CDH11: variants seen among roughly 807,000 people sequenced by gnomAD.
CDH11 encodes the protein cadherin 11.
CDH11 carries 11 observed loss-of-function variants against 67.8 expected under a neutral mutation model. The ratio of observed to expected loss-of-function variants is 0.16; its 90% CI spans 0.10 to 0.27. The LOEUF is 0.27. Ranked by LOEUF, CDH11 falls within the 10% of genes least tolerant of loss-of-function variation. The pLI is 1.00. For missense variants in CDH11, 847 were observed against 1,031.2 expected, an observed-to-expected ratio of 0.82 and a Z score of 2.45; for synonymous variants, 419 against 400.0, an observed-to-expected ratio of 1.05 and a Z score of -0.57.
At chr16:65,106,800 A>C (rs936368519) in intron 1 of CDH11, among the ~76,000 whole-genome samples, 3 of 152,148 alleles carry the variant, frequency 2.0e-5, no homozygotes, top group Admixed American at 2.0e-4. Flanking sequence ...TGGATCTGGG[A>C]AACACAACTT....
At chr16:64,973,206 T>C (rs567259757) in intron 8 of CDH11, among the ~76,000 whole-genome samples, 166 bp from the exon 9 acceptor site, 8 of 152,364 alleles carry the variant, frequency 5.3e-5, no homozygotes, top group Admixed American at 1.3e-4. Flanking sequence ...GATTCTTTTA[T>C]AGAAATAACT....
In CDH11 at chr16:64,982,420, C is replaced by A. The variant is rs1457795740; in HGVS notation, c.1000-119G>T. ...CTCAAAGAGAGAAAATCAGAGTCTA[C>A]TCAATTTCCAATTACCTGAGCCATT... On this transcript the variant is annotated intron_variant, in intron 7 of 12. Coordinates refer to ENST00000268603, the MANE Select transcript of CDH11 (RefSeq NM_001797.4). 6.3e-6 allele frequency: 5 copies of A among 789,232 alleles called. No homozygotes were observed. The Admixed American group carries it at 1.1e-4, about 17-fold the overall frequency. The allele number at this position is 789,232 out of a possible 1,614,324, so 48.9% of individuals were successfully genotyped here. A position where few individuals can be genotyped will look rare whatever the true frequency, so the allele number is the denominator to read the frequency against.
Position 64,946,322 on chromosome 16 carries a change from A to G in CDH11, c.*1281T>C. 1 of 1,043,714 alleles carries G rather than the reference A, an allele frequency of 9.6e-7. No homozygotes were observed. Among genetic ancestry groups the G allele is most frequent in the Non-Finnish European group, 1.2e-6 (1 of 865,794 alleles). 64.7% of individuals were successfully genotyped at this position (1,043,714 alleles called of 1,614,324 possible). Reference sequence around the variant, plus strand: ...AACATTAGAGTCTGGGCAAATTTATATTTTTGACTCTAGTCCCCCAGTTCC... The same window carrying G: ...AACATTAGAGTCTGGGCAAATTTATGTTTTTGACTCTAGTCCCCCAGTTCC... On this transcript the variant is annotated 3_prime_UTR_variant, in exon 13 of 13. Transcript: ENST00000268603.
At position 64,943,758 on chromosome 16, in the gene CDH11, T is replaced by G. The variant is rs905873240; in HGVS notation, c.*3845A>C. On this transcript the variant is annotated 3_prime_UTR_variant, in exon 13 of 13. Transcript: ENST00000268603. ...AAATCTGCCTCATCAGTATATTTGC[T>G]TTCATTCAATAGATATTTATTGTGT... 1.5e-5 allele frequency: 3 copies of G among 197,392 alleles called. No homozygotes were observed. The highest frequency in any genetic ancestry group is 2.3e-5 in the African/African-American group (1 of 43,260). 12.2% of individuals were successfully genotyped at this position (197,392 alleles called of 1,614,324 possible). A position where few individuals can be genotyped will look rare whatever the true frequency, so the allele number is the denominator to read the frequency against.
At chr16:64,950,125 A>G (rs567139895) in intron 12 of CDH11, among the ~76,000 whole-genome samples, 59 of 152,302 alleles carry the variant, frequency 3.9e-4, no homozygotes, top group Non-Finnish European at 7.3e-4. Context: ...TGTTCTGAGT[A>G]CCAGCACATG....
At chr16:64,991,296 G>C (rs2072623209) in intron 6 of CDH11, 1 of 155,792 alleles carries the variant, frequency 6.4e-6, no homozygotes, top group African/African-American at 2.4e-5. Flanking sequence ...GAGGCATGCT[G>C]TCTCCTCCAA....
At chr16:64,948,559 A>G in intron 12 of CDH11, 2 of 1,451,390 alleles carry the variant, frequency 1.4e-6, no homozygotes, top group Middle Eastern at 3.5e-4. Context: ...GCTTCTGCCA[A>G]TGTCTGAGAA....
chr16:65,015,450 A>AG lies in CDH11; in HGVS notation c.-172-10410_-172-10409insC, dbSNP rs1197018147. On this transcript the variant is annotated intron_variant, in intron 2 of 12. Transcript: ENST00000268603. ...TCAAAATAAAATAAAGAGTGAAAAA[A>AG]AAAACAAAACCCAGAACCTAAACTC... 2.6e-5 allele frequency among the ~76,000 whole-genome samples: 4 copies of AG among 152,100 alleles called. No individual in the cohort carries two copies. In the East Asian group the frequency reaches 7.7e-4, roughly 29 times the overall value.
chr16:64,950,661 T>G, intron 12 of CDH11, 106 bp downstream of exon 12: 1 of 1,336,608 alleles, frequency 7.5e-7, no homozygotes, highest in Non-Finnish European at 1.0e-6. Flanking sequence ...GTGTCGACAG[T>G]CATAACAGGG....
chr16:65,094,977 C>T (rs937551202), intron 1 of CDH11: 9 of 152,120 alleles, frequency 5.9e-5, no homozygotes. Flanking sequence ...GAAATTAAGA[C>T]ATACATATCT....
intron 2 of CDH11, among the ~76,000 whole-genome samples, chr16:65,048,075 T>C (rs2073994064): frequency 1.3e-5 from 2 of 152,222 alleles, no homozygotes; most frequent in African/African-American, 4.8e-5. Flanking sequence ...TTTATTATTG[T>C]ATCCCCAGCA....
chr16:64,985,033 T>C (rs1172854188), intron 7 of CDH11: 3 of 152,306 alleles, frequency 2.0e-5, no homozygotes, highest in Non-Finnish European at 2.9e-5. Flanking sequence ...TGTGCGGTGA[T>C]TTCTCTGAGA....
chr16:65,057,244 C>T (rs1189634155), intron 1 of CDH11, among the ~76,000 whole-genome samples: 1 of 152,134 alleles, frequency 6.6e-6, no homozygotes. Flanking sequence ...CATGTGTTCC[C>T]CTCTCAGCCA....
intron 1 of CDH11, among the ~76,000 whole-genome samples, chr16:65,120,200 A>C (rs889424967): frequency 1.9e-4 from 29 of 152,224 alleles, no homozygotes; most frequent in Non-Finnish European, 1.2e-4. Context: ...AAAGAAGGTC[A>C]GTCCCTTCTC....
At chr16:65,077,020 C>T (rs1050059028) in intron 1 of CDH11, among the ~76,000 whole-genome samples, 1 of 152,088 alleles carries the variant, frequency 6.6e-6, no homozygotes, top group African/African-American at 2.4e-5. Context: ...TTCCTAAAAC[C>T]CATTGAGGGC....
chr16:64,990,789 C>G (rs1018376968), intron 6 of CDH11, among the ~76,000 whole-genome samples: 1 of 152,114 alleles, frequency 6.6e-6, no homozygotes, highest in African/African-American at 2.4e-5. Flanking sequence ...TTTTGTAGAA[C>G]AGCCATAATC....
chr16:64,960,223 C>G (rs1412690243), intron 11 of CDH11, among the ~76,000 whole-genome samples: 1 of 152,144 alleles, frequency 6.6e-6, no homozygotes, highest in Non-Finnish European at 1.5e-5. Flanking sequence ...TTAGAATATT[C>G]TGGCATCAAA....
intron 11 of CDH11, among the ~76,000 whole-genome samples, chr16:64,955,307 T>C (rs1372390645): frequency 6.6e-6 from 1 of 152,098 alleles, no homozygotes; most frequent in African/African-American, 2.4e-5. Flanking sequence ...CTGGGTGTGG[T>C]GGCGCATGCC....
Position 64,991,768 on chromosome 16 carries a change from T to C in CDH11, c.811A>G (p.Ser271Gly), listed in dbSNP as rs2142492008. Residue 271 changes from serine to glycine, a missense_variant and splice_region_variant, in exon 6 of 13, where the codon AGC (serine) becomes GGC (glycine). Physicochemically the swap from Ser to Gly is moderately conservative, Grantham distance 56. This residue lies in a region of CDH11 where 612 missense variants were observed against 678.7 expected (regional missense o/e 0.90). Transcript: ENST00000268603. ...VNDNPPKFPQ[S>G]VYQMSVSEAA... is the part of the protein sequence containing the mutation. ...GTGAAAGCCAAGTCCACCTACTTAC[T>C]CTGCGGAAACTTTGGTGGGTTGTCA... 4 of 1,611,418 alleles carry C rather than the reference T, an allele frequency of 2.5e-6. No homozygotes were observed. The East Asian group carries it at 6.7e-5, about 27-fold the overall frequency.
Sources: allele counts gnomAD v4.1 joint callset (sites outside exome capture counted in the v4.1 genomes callset), GRCh38; gene constraint gnomAD v4.1.1; regional missense constraint gnomAD v4.1.1; transcripts MANE v1.5; gene names NCBI Gene and HGNC (gene_info 2026-07-23, HGNC 2026-07-21).